CSMD3: variants seen among roughly 807,000 people sequenced by gnomAD.
CSMD3 encodes the protein CUB and sushi domain-containing protein 3.
In CSMD3, 177 loss-of-function variants were observed where a neutral mutation model predicts 435.2. The ratio of observed to expected loss-of-function variants is 0.41; its 90% CI spans 0.36 to 0.46. CSMD3 has a LOEUF of 0.46. Among genes scored for constraint, CSMD3 ranks in the 20% least tolerant of loss-of-function variants. CSMD3 has a pLI of 0.34. For missense variants in CSMD3, 4,265 were observed against 4,504.6 expected, an observed-to-expected ratio of 0.95 and a Z score of 1.52; for synonymous variants, 1,656 against 1,520.5, an observed-to-expected ratio of 1.09 and a Z score of -2.07.
At chr8:112,606,873 T>C (rs1243754075) in intron 22 of CSMD3, among the ~76,000 whole-genome samples, 5 of 149,716 alleles carry the variant, frequency 3.3e-5, no homozygotes, top group Non-Finnish European at 7.4e-5. Flanking sequence ...CCTTATGGGA[T>C]GCAGCATTGT....
chr8:112,398,542 C>G (rs1290993421), intron 35 of CSMD3, among the ~76,000 whole-genome samples: 2 of 152,108 alleles, frequency 1.3e-5, no homozygotes, highest in Non-Finnish European at 2.9e-5. Flanking sequence ...CCAGGACACC[C>G]TTTGAAATCT....
chr8:113,295,359 A>T lies in CSMD3; in HGVS notation c.402-16655T>A, dbSNP rs144846598. On this transcript the variant is annotated intron_variant, in intron 2 of 70. Coordinates refer to ENST00000297405, the MANE Select transcript of CSMD3 (RefSeq NM_198123.2). ...AAATTCATGTTCTTTCTACTAATTT[A>T]ACACTATTGCCACCACAATTTACAT... 5.1e-3 allele frequency among the ~76,000 whole-genome samples: 780 copies of T among 152,262 alleles called. 11 individuals are homozygous for T. Among genetic ancestry groups the T allele is most frequent in the African/African-American group, 0.018 (753 of 41,560 alleles).
At chr8:112,964,189 G>A (rs1186493665) in intron 7 of CSMD3, among the ~76,000 whole-genome samples, 1 of 151,728 alleles carries the variant, frequency 6.6e-6, no homozygotes, top group African/African-American at 2.4e-5. Flanking sequence ...AATAAAATAT[G>A]GTCATTCATT....
intron 3 of CSMD3, among the ~76,000 whole-genome samples, chr8:113,266,217 C>T (rs577922247): frequency 6.7e-6 from 1 of 148,820 alleles, no homozygotes; most frequent in Non-Finnish European, 1.5e-5. Context: ...ATTTAATGCT[C>T]TCAAGGATAA....
intron 59 of CSMD3, 73 bp from the exon 60 acceptor site, chr8:112,265,663 G>T: frequency 9.9e-7 from 1 of 1,006,636 alleles, no homozygotes; most frequent in Non-Finnish European, 1.6e-6. Context: ...GTAAGCATAT[G>T]GCATACTTAA....
chr8:113,419,614 A>G (rs1433168678), intron 1 of CSMD3, among the ~76,000 whole-genome samples: 2 of 152,108 alleles, frequency 1.3e-5, no homozygotes, highest in East Asian at 1.9e-4. Context: ...CATGCTCTCA[A>G]TTCTTTACTT....
intron 13 of CSMD3, among the ~76,000 whole-genome samples, chr8:112,791,930 C>T (rs1464067747): frequency 6.6e-6 from 1 of 152,126 alleles, no homozygotes; most frequent in Non-Finnish European, 1.5e-5. Context: ...GTAGTAGTAT[C>T]TCTTTGTAGT....
intron 43 of CSMD3, 91 bp downstream of exon 43, chr8:112,337,452 C>G (rs1824684846): frequency 2.1e-6 from 2 of 939,410 alleles, no homozygotes; most frequent in South Asian, 2.7e-5. Context: ...ATTTAGCATG[C>G]TATTGGAAGA....
intron 37 of CSMD3, among the ~76,000 whole-genome samples, chr8:112,382,525 T>C (rs1382368256): frequency 6.6e-6 from 1 of 152,144 alleles, no homozygotes; most frequent in Non-Finnish European, 1.5e-5. Flanking sequence ...CTTAAAGCCA[T>C]TCAAATTTAT....
chr8:113,155,536 T>A (rs949262423), intron 4 of CSMD3, among the ~76,000 whole-genome samples: 2 of 151,938 alleles, frequency 1.3e-5, no homozygotes, highest in Non-Finnish European at 2.9e-5. Context: ...TAAGATACCA[T>A]CCTGAGGGCA....
chr8:112,244,835 T>C (rs2130121039), intron 64 of CSMD3, among the ~76,000 whole-genome samples: 1 of 152,108 alleles, frequency 6.6e-6, no homozygotes, highest in South Asian at 2.1e-4. Context: ...AAAGACATTG[T>C]CAACAACTAA....
At chr8:112,776,553 C>T (rs1258433905) in intron 13 of CSMD3, among the ~76,000 whole-genome samples, 2 of 151,658 alleles carry the variant, frequency 1.3e-5, no homozygotes, top group African/African-American at 4.8e-5. Flanking sequence ...TCTATGGTGT[C>T]TTGCAATTCT....
At chr8:113,399,102 T>C (rs201463920) in intron 1 of CSMD3, among the ~76,000 whole-genome samples, 1,326 of 82,164 alleles carry the variant, frequency 0.016, 18 homozygotes, top group African/African-American at 0.059. Flanking sequence ...TATATATATA[T>C]ATATACACAC....
At chr8:113,178,670 A>C (rs1468716292) in intron 3 of CSMD3, among the ~76,000 whole-genome samples, 3 of 151,916 alleles carry the variant, frequency 2.0e-5, no homozygotes, top group African/African-American at 7.2e-5. Context: ...GAAAAGGATA[A>C]AAAGTTAGTT....
intron 1 of CSMD3, among the ~76,000 whole-genome samples, chr8:113,401,411 T>G (rs960173823): frequency 6.6e-6 from 1 of 151,676 alleles, no homozygotes. Context: ...AATTTTATAG[T>G]CATTGATGAT....
chr8:113,077,119 T>C (rs569841581), intron 5 of CSMD3, among the ~76,000 whole-genome samples: 1 of 152,210 alleles, frequency 6.6e-6, no homozygotes, highest in Admixed American at 6.5e-5. Context: ...TATATACACA[T>C]ACACACGAGT....
At chr8:112,498,183 G>A (rs565818588) in intron 30 of CSMD3, among the ~76,000 whole-genome samples, 8 of 151,902 alleles carry the variant, frequency 5.3e-5, no homozygotes, top group Non-Finnish European at 1.0e-4. Flanking sequence ...TGTAAAATGG[G>A]GATAGCAATA....
chr8:113,341,249 A>G (rs970252611), intron 1 of CSMD3, among the ~76,000 whole-genome samples: 3 of 152,164 alleles, frequency 2.0e-5, no homozygotes, highest in Non-Finnish European at 4.4e-5. Context: ...TTTTTAATAT[A>G]CAATACCTTG....
intron 23 of CSMD3, among the ~76,000 whole-genome samples, chr8:112,576,931 TTCAGGAAAGAA>T (rs1829992618): frequency 6.6e-6 from 1 of 151,868 alleles, no homozygotes; most frequent in Non-Finnish European, 1.5e-5. Flanking sequence ...AGCTAGTACT[TTCAGGAAAGAA>T]AAATTATTTT....
Sources: gnomAD v4.1 joint callset for allele counts (sites outside exome capture counted in the v4.1 genomes callset) on GRCh38, gnomAD v4.1.1 for gene constraint, MANE v1.5 for transcripts, NCBI Gene and HGNC (gene_info 2026-07-23, HGNC 2026-07-21) for gene names.